Variants in MTA1 observed in about 807,000 individuals in gnomAD.
MTA1 encodes the protein metastasis associated 1.
A neutral mutation model predicts 97.0 loss-of-function variants in MTA1; 15 were observed. That is an observed-to-expected ratio of 0.15 (90% CI 0.10 to 0.24). The LOEUF (loss-of-function observed/expected upper bound fraction) is 0.24, where lower values mean the gene tolerates loss of function less well. Ranked by LOEUF, MTA1 falls within the 10% of genes least tolerant of loss-of-function variation. The pLI, the probability that MTA1 is intolerant of heterozygous loss-of-function variation, is 1.00. For missense variants in MTA1, 709 were observed against 1,015.1 expected (o/e 0.70, Z 4.10); for synonymous variants, 435 against 417.5 (o/e 1.04, Z -0.51).
Position 105,466,586 on chromosome 14 carries a change from GCC to G in MTA1, c.1777+14_1777+15del. 6.4e-7 allele frequency: 1 copy of G among 1,565,314 alleles called. No individual in the cohort carries two copies. Among genetic ancestry groups the G allele is most frequent in the East Asian group, 2.4e-5 (1 of 42,372 alleles). On this transcript the variant is annotated intron_variant, in intron 17 of 20. Coordinates refer to ENST00000331320, the MANE Select transcript of MTA1 (RefSeq NM_004689.4). ...AGCACAACGGGGTGGACGGTGAGTG[GCC>G]CCCCCGCCCGGTGAGTGTGGCCCTC...
intron 7 of MTA1, chr14:105,454,564 C>T: frequency 2.4e-6 from 1 of 412,102 alleles, no homozygotes; most frequent in East Asian, 4.4e-5. Context: ...TGGTGATCAG[C>T]TGTCCTTGCA....
chr14:105,449,588 G>A (rs1023080264), intron 4 of MTA1, among the ~76,000 whole-genome samples, 179 bp downstream of exon 4: 1 of 152,222 alleles, frequency 6.6e-6, no homozygotes, highest in Non-Finnish European at 1.5e-5. Context: ...GGCTTGGTGC[G>A]GCCCCGGCCT....
chr14:105,421,941 G>A (rs1197297333), intron 1 of MTA1, among the ~76,000 whole-genome samples: 1 of 152,238 alleles, frequency 6.6e-6, no homozygotes, highest in Admixed American at 6.5e-5. Flanking sequence ...GGACTCCTAG[G>A]CTGTGGCGGA....
At chr14:105,423,454 T>C (rs2081913336) in intron 1 of MTA1, among the ~76,000 whole-genome samples, 1 of 152,156 alleles carries the variant, frequency 6.6e-6, no homozygotes. Flanking sequence ...TGACCTCAAG[T>C]GATCCACCCG....
chr14:105,419,982 C>T lies in MTA1; in HGVS notation c.-54C>T. ...CATCGCGCCTCCATTTTCCCGGCCG[C>T]CCGCGCCGAGCGCCGCGCCCGCCCC... On this transcript the variant is annotated 5_prime_UTR_variant, in exon 1 of 21. Coordinates refer to ENST00000331320, the MANE Select transcript of MTA1 (RefSeq NM_004689.4). The T allele has an allele frequency of 1.0e-6, 1 of 968,250 alleles. No homozygotes were observed. The highest frequency in any genetic ancestry group is 1.2e-6 in the Non-Finnish European group (1 of 812,632). The allele number at this position is 968,250 out of a possible 1,614,324, so 60.0% of individuals were successfully genotyped here. A position where few individuals can be genotyped will look rare whatever the true frequency, so the allele number is the denominator to read the frequency against.
intron 10 of MTA1, among the ~76,000 whole-genome samples, chr14:105,462,697 C>T (rs587696109): frequency 4.6e-5 from 7 of 152,116 alleles, no homozygotes; most frequent in African/African-American, 1.2e-4. Context: ...GGTGAAACCA[C>T]GTCTGTACTA....
In MTA1 at chr14:105,449,516, T is replaced by TGCCCTGC. The variant is rs1272957396; in HGVS notation, c.241+112_241+118dup. ...TTTGGGCGGGCCGCCTGCATGCCTGTGCCCTGCGCCCGGCCGGCCCGGCTG... is the reference window on the plus strand; with the variant it reads ...TTTGGGCGGGCCGCCTGCATGCCTGTGCCCTGCGCCCTGCGCCCGGCCGGCCCGGCTG... On this transcript the variant is annotated intron_variant, in intron 4 of 20. Transcript: ENST00000331320. 5 of 1,247,508 alleles carry TGCCCTGC rather than the reference T, an allele frequency of 4.0e-6. No individual in the cohort carries two copies. In the African/African-American group the frequency reaches 7.6e-5, roughly 19 times the overall value. 77.3% of individuals were successfully genotyped at this position (1,247,508 alleles called of 1,614,324 possible).
At chr14:105,441,772 C>A (rs587666024) in intron 2 of MTA1, among the ~76,000 whole-genome samples, 19 of 151,932 alleles carry the variant, frequency 1.3e-4, no homozygotes, top group Middle Eastern at 6.4e-3. Flanking sequence ...CCAGCCTGGG[C>A]GACAGAGCGA....
At chr14:105,455,829 C>T (rs2083125411) in intron 7 of MTA1, among the ~76,000 whole-genome samples, 1 of 152,232 alleles carries the variant, frequency 6.6e-6, no homozygotes, top group Admixed American at 6.5e-5. Context: ...CACATCTCTC[C>T]AGGCAGACAG....
chr14:105,469,799 T>C (rs959039820), intron 19 of MTA1, 42 bp from the exon 20 acceptor site: 26 of 1,570,388 alleles, frequency 1.7e-5, no homozygotes, highest in Admixed American at 1.5e-4. Context: ...GAGGTGGAGC[T>C]GGCCCTTGGC....
In MTA1 at chr14:105,420,255, T is replaced by G. The variant is rs2081782288; in HGVS notation, c.28+192T>G. 6.9e-6 allele frequency among the ~76,000 whole-genome samples: 1 copy of G among 145,366 alleles called. No homozygotes were observed. ...AAAATGGCCCCGCGGGTCGGCCCCA[T>G]CGGGGGCGGGCGGGGCTCGGCGGCC... On this transcript the variant is annotated intron_variant, in intron 1 of 20. Transcript: ENST00000331320. This position sits in a 1 kb window ranked among gnomAD's most constrained non-coding sequence, Gnocchi z 5.3.
chr14:105,453,856 C>T (rs1466581550), intron 6 of MTA1, among the ~76,000 whole-genome samples: 1 of 151,384 alleles, frequency 6.6e-6, no homozygotes, highest in Non-Finnish European at 1.5e-5. Flanking sequence ...GGGCTGTAGC[C>T]GTATCCACCC....
intron 1 of MTA1, among the ~76,000 whole-genome samples, chr14:105,436,097 C>T (rs1320384589): frequency 2.0e-5 from 3 of 152,066 alleles, no homozygotes; most frequent in East Asian, 1.9e-4. Context: ...GGTGAAACCC[C>T]GTCTCTACTA....
At chr14:105,462,443 C>T (rs1400696324) in intron 10 of MTA1, among the ~76,000 whole-genome samples, 1 of 152,000 alleles carries the variant, frequency 6.6e-6, no homozygotes, top group Non-Finnish European at 1.5e-5. Context: ...GTGGCAGGCT[C>T]CTGTAGTCCC....
intron 2 of MTA1, among the ~76,000 whole-genome samples, chr14:105,440,889 C>T (rs782547351): frequency 2.4e-4 from 36 of 152,358 alleles, no homozygotes; most frequent in Middle Eastern, 3.4e-3. Context: ...CCCCTCTGTT[C>T]CCTGGACTGA....
intron 6 of MTA1, among the ~76,000 whole-genome samples, chr14:105,450,907 G>A (rs111868019): frequency 0.027 from 4,054 of 152,342 alleles, 77 homozygotes; most frequent in Non-Finnish European, 0.041. Context: ...GAGATCCAGC[G>A]AACGGGAGGG....
intron 2 of MTA1, among the ~76,000 whole-genome samples, chr14:105,441,251 C>A (rs2082501325): frequency 6.7e-6 from 1 of 149,270 alleles, no homozygotes; most frequent in Non-Finnish European, 1.5e-5. Context: ...ATGGCCTGTC[C>A]CCTGGTGGGC....
rs1436886470 is a variant in MTA1, at chr14:105,451,775, C to CTTTTTTT, written c.432+1452_432+1458dup. On this transcript the variant is annotated intron_variant, in intron 6 of 20. Coordinates refer to ENST00000331320, the MANE Select transcript of MTA1 (RefSeq NM_004689.4). ...CAGCCCTTCCCCCCTTTTTCTTTTT[C>CTTTTTTT]TTTTTTTGTTTTTTTTTTTTTTTTT... 1.0e-4 allele frequency among the ~76,000 whole-genome samples: 12 copies of CTTTTTTT among 118,258 alleles called. 1 individual carries two copies. The highest frequency in any genetic ancestry group is 1.6e-4 in the African/African-American group (5 of 31,780). 77.6% of individuals were successfully genotyped at this position (118,258 alleles called of 152,430 possible). A position where few individuals can be genotyped will look rare whatever the true frequency, so the allele number is the denominator to read the frequency against.
intron 7 of MTA1, 128 bp from the exon 8 acceptor site, chr14:105,458,142 C>T (rs2083221320): frequency 2.8e-6 from 2 of 709,886 alleles, no homozygotes; most frequent in Non-Finnish European, 2.4e-6. Context: ...TGCACCCTGG[C>T]CTCACCTATG....
Sources: allele counts gnomAD v4.1 joint callset (sites outside exome capture counted in the v4.1 genomes callset), GRCh38; gene constraint gnomAD v4.1.1; non-coding constraint Gnocchi (gnomAD v3.1); transcripts MANE v1.5; gene names NCBI Gene and HGNC (gene_info 2026-07-23, HGNC 2026-07-21).